PIK3C2B: variants seen among roughly 807,000 people sequenced by gnomAD.
The protein encoded by PIK3C2B is phosphatidylinositol-4-phosphate 3-kinase catalytic subunit type 2 beta.
PIK3C2B carries 83 observed loss-of-function variants against 184.3 expected under a neutral mutation model. The observed-to-expected ratio is 0.45, with a 90% confidence interval of 0.38 to 0.54. The LOEUF is 0.54. Ranked by LOEUF, PIK3C2B falls within the 20% of genes least tolerant of loss-of-function variation. The pLI, the probability that PIK3C2B is intolerant of heterozygous loss-of-function variation, is 0.00. For synonymous variants in PIK3C2B, 779 were observed against 837.6 expected (o/e 0.93, Z 1.21); for missense variants, 1,736 against 2,113.5 (o/e 0.82, Z 3.50).
At position 204,427,666 on chromosome 1, in the gene PIK3C2B, C is replaced by T; in HGVS notation, c.4569G>A (p.Val1523=). Residue 1523 remains valine (V), a synonymous_variant, in exon 31 of 33, where the codon GTG becomes GTA. Coordinates refer to ENST00000684373, the MANE Select transcript of PIK3C2B (RefSeq NM_001377334.1). ...CACTTACCAAGCCCCGAATATGCAT[C>T]ACCATGATGAAGAGTTTATTGTTTT... is the stretch of plus-strand genomic sequence containing the variant. ...SYKNNKLFIM[V]MHIRGLQLLQ... is the part of the protein sequence containing the mutation. 6.2e-7 allele frequency: 1 copy of T among 1,612,250 alleles called. No homozygotes were observed.
intron 12 of PIK3C2B, among the ~76,000 whole-genome samples, chr1:204,454,213 T>C (rs1419954363): frequency 6.6e-6 from 1 of 151,530 alleles, no homozygotes; most frequent in Non-Finnish European, 1.5e-5. Flanking sequence ...CCAGGCGTGG[T>C]GGCTCACGCC....
intron 1 of PIK3C2B, among the ~76,000 whole-genome samples, chr1:204,476,273 T>G (rs987833918): frequency 3.3e-5 from 5 of 152,150 alleles, no homozygotes; most frequent in African/African-American, 1.2e-4. Context: ...AGGCTCTACA[T>G]TAGAAATTGC....
At chr1:204,486,601 G>A (rs1657612167) in intron 1 of PIK3C2B, among the ~76,000 whole-genome samples, 1 of 151,826 alleles carries the variant, frequency 6.6e-6, no homozygotes, top group Admixed American at 6.6e-5. Flanking sequence ...ATGAAGGCAG[G>A]TGCCTGTAAT....
chr1:204,430,662 T>A (rs1675003402), intron 28 of PIK3C2B, among the ~76,000 whole-genome samples: 1 of 106,784 alleles, frequency 9.4e-6, no homozygotes, highest in South Asian at 2.4e-4. Flanking sequence ...ATTTAAAAAG[T>A]TGTTTGTTTG....
At chr1:204,437,465 G>C (rs187832468) in intron 23 of PIK3C2B, among the ~76,000 whole-genome samples, 21 of 151,646 alleles carry the variant, frequency 1.4e-4, no homozygotes, top group African/African-American at 5.1e-4. Context: ...ATTGCACTCC[G>C]GCCTGGGCAA....
intron 31 of PIK3C2B, among the ~76,000 whole-genome samples, chr1:204,426,320 T>G (rs1056784845): frequency 2.0e-5 from 3 of 152,252 alleles, no homozygotes; most frequent in Non-Finnish European, 2.9e-5. Flanking sequence ...CTCTCGACTT[T>G]GCTCCATCGG....
chr1:204,486,653 C>A (rs1044460702), intron 1 of PIK3C2B, among the ~76,000 whole-genome samples: 12 of 152,120 alleles, frequency 7.9e-5, no homozygotes, highest in African/African-American at 2.9e-4. Flanking sequence ...TCGCCTGATC[C>A]TGGAGGACAG....
intron 1 of PIK3C2B, among the ~76,000 whole-genome samples, chr1:204,472,679 C>T (rs1339664703): frequency 6.6e-6 from 1 of 152,052 alleles, no homozygotes; most frequent in Non-Finnish European, 1.5e-5. Flanking sequence ...ACTCAGGAGG[C>T]TGAGGCAGGA....
At position 204,434,539 on chromosome 1, in the gene PIK3C2B, G is replaced by A; in HGVS notation, c.3586C>T (p.Arg1196Ter). 1 of 1,614,100 alleles carries A rather than the reference G, an allele frequency of 6.2e-7. No individual in the cohort carries two copies. The highest frequency in any genetic ancestry group is 8.5e-7 in the Non-Finnish European group (1 of 1,179,962). Residue 1196 changes from arginine (R) to a stop codon, truncating the protein, a stop_gained, in exon 24 of 33, where the codon CGA becomes TGA. Coordinates refer to ENST00000684373, the MANE Select transcript of PIK3C2B (RefSeq NM_001377334.1). LOFTEE classifies it high-confidence loss of function. ...TTCAGCATGATGTTGTCATTATGTC[G>A]GTCACAGATGCCCAAGACGTACGTG... ...VATYVLGICDRHNDNIMLKTT... is the reference protein window; with the variant it reads ...VATYVLGICD
intron 7 of PIK3C2B, 116 bp downstream of exon 7, chr1:204,460,207 CA>C (rs1655211504): frequency 1.2e-6 from 1 of 832,768 alleles, no homozygotes; most frequent in South Asian, 1.6e-5. Context: ...GTGTGGGCCC[CA>C]ACCCCTGACA....
chr1:204,441,028 G>A (rs1675631881), intron 21 of PIK3C2B, among the ~76,000 whole-genome samples: 1 of 152,174 alleles, frequency 6.6e-6, no homozygotes, highest in African/African-American at 2.4e-5. Flanking sequence ...TAGATTATAT[G>A]CTCTGAGACT....
At chr1:204,480,853 C>T (rs1031395587) in intron 1 of PIK3C2B, among the ~76,000 whole-genome samples, 6 of 152,130 alleles carry the variant, frequency 3.9e-5, no homozygotes, top group African/African-American at 1.4e-4. Context: ...CTCTCCACCA[C>T]GTGCCCACAG....
intron 2 of PIK3C2B, among the ~76,000 whole-genome samples, chr1:204,468,111 G>T (rs1655968613): frequency 6.6e-6 from 1 of 152,206 alleles, no homozygotes; most frequent in Non-Finnish European, 1.5e-5. Context: ...TATTTTCATT[G>T]TGAGAAGAGA....
intron 31 of PIK3C2B, 108 bp from the exon 32 acceptor site, chr1:204,425,849 T>C: frequency 1.0e-6 from 1 of 979,434 alleles, no homozygotes. Context: ...CCATCTGGCA[T>C]CTTGCAATGC....
intron 23 of PIK3C2B, among the ~76,000 whole-genome samples, chr1:204,436,705 T>A (rs1572294681): frequency 6.6e-6 from 1 of 152,248 alleles, no homozygotes; most frequent in African/African-American, 2.4e-5. Flanking sequence ...ACATTTATTA[T>A]TATTTAGTAT....
chr1:204,465,187 T>TCCCCAAAC, intron 3 of PIK3C2B, 32 bp downstream of exon 3: 1 of 632,352 alleles, frequency 1.6e-6, no homozygotes, highest in Non-Finnish European at 2.9e-6. Context: ...CCCATAGCCC[T>TCCCCAAAC]CCCAAATCCC....
Position 204,469,887 on chromosome 1 carries a change from C to T in PIK3C2B, c.-84-1G>A. ...GGGTTGTGACATGGTGTCTGGGCGC[C>T]TGCAGGTGAGGGGTAAAAATATCAA... is the stretch of plus-strand genomic sequence containing the variant. On this transcript the variant is annotated splice_acceptor_variant, in intron 1 of 32. Transcript: ENST00000684373. LOFTEE classifies it low-confidence loss of function (5UTR_SPLICE). 1.2e-6 allele frequency: 1 copy of T among 820,674 alleles called. No individual in the cohort carries two copies. The highest frequency in any genetic ancestry group is 2.0e-6 in the Non-Finnish European group (1 of 494,160). The allele number at this position is 820,674 out of a possible 1,614,324, so 50.8% of individuals were successfully genotyped here. A position where few individuals can be genotyped will look rare whatever the true frequency, so the allele number is the denominator to read the frequency against.
rs545424774 is a variant in PIK3C2B, at chr1:204,494,125, T to C, written c.-85+231A>G. Among the ~76,000 whole-genome samples the C allele has an allele frequency of 3.3e-5, 5 of 152,082 alleles. No homozygotes were observed. The South Asian group carries it at 6.2e-4, about 19-fold the overall frequency. On this transcript the variant is annotated intron_variant, in intron 1 of 32. Transcript: ENST00000684373. ...GGAGCCCCAGAGGCCCTGAAGCTGC[T>C]GGAGTGGAGTGGAGTGGGGTGAGGG...
Position 204,449,188 on chromosome 1 carries a change from C to A in PIK3C2B, c.2343G>T (p.Leu781=). ...PNFHQPDSVI[L]QIDFPTSAFD... The stretch of plus-strand genomic sequence containing the variant: ...GAGGGAAGGGCTAAAGCCTCACCTG[C>A]AGGATGACACTGTCTGGCTGGTGGA... The change falls in exon 14 of 33, where the codon CTG becomes CTT. Residue 781 remains leucine (L), a synonymous_variant. Coordinates refer to ENST00000684373, the MANE Select transcript of PIK3C2B (RefSeq NM_001377334.1). 1 of 1,605,244 alleles carries A rather than the reference C, an allele frequency of 6.2e-7. No homozygotes were observed. Among genetic ancestry groups the A allele is most frequent in the South Asian group, 1.1e-5 (1 of 89,792 alleles).
Sources: gnomAD v4.1 joint callset for allele counts (sites outside exome capture counted in the v4.1 genomes callset) on GRCh38, gnomAD v4.1.1 for gene constraint, MANE v1.5 for transcripts, NCBI Gene and HGNC (gene_info 2026-07-23, HGNC 2026-07-21) for gene names.